PTPRT: variants seen among roughly 807,000 people sequenced by gnomAD.
PTPRT encodes protein tyrosine phosphatase receptor type T, also known as receptor-type tyrosine-protein phosphatase T.
Under a neutral mutation model 176.8 loss-of-function variants are expected in PTPRT, and 56 were observed. The ratio of observed to expected loss-of-function variants is 0.32; its 90% confidence interval spans 0.26 to 0.40. The LOEUF (loss-of-function observed/expected upper bound fraction) is 0.40, where lower values mean the gene tolerates loss of function less well. Ranked by LOEUF, PTPRT falls within the 10% of genes least tolerant of loss-of-function variation. The probability of loss-of-function intolerance (pLI) is 1.00; values close to 1 mark genes in which losing one functional copy is unlikely to be tolerated. For synonymous variants in PTPRT, 783 were observed against 739.0 expected (o/e 1.06, Z -0.96); for missense variants, 1,540 against 1,908.2 (o/e 0.81, Z 3.60).
chr20:42,690,176 G>C (rs2075769110), intron 6 of PTPRT, among the ~76,000 whole-genome samples: 1 of 152,014 alleles, frequency 6.6e-6, no homozygotes, highest in Non-Finnish European at 1.5e-5. Context: ...GAGCAGGGGT[G>C]GGGGGCCAGC....
chr20:42,366,771 G>A (rs1415754486), intron 9 of PTPRT, among the ~76,000 whole-genome samples: 1 of 107,798 alleles, frequency 9.3e-6, no homozygotes, highest in East Asian at 2.3e-4. Context: ...CACGGCACAT[G>A]TGAGGAAGCT....
At chr20:43,001,068 A>T (rs1984529462) in intron 1 of PTPRT, among the ~76,000 whole-genome samples, 1 of 152,184 alleles carries the variant, frequency 6.6e-6, no homozygotes, top group South Asian at 2.1e-4. Context: ...CACCCAGCCA[A>T]CCAGTTATTC....
downstream of PTPRT, among the ~76,000 whole-genome samples, chr20:42,069,575 C>T (rs148148007): frequency 2.6e-4 from 39 of 151,884 alleles, no homozygotes; most frequent in African/African-American, 7.2e-4. Context: ...TTGGCCTTTC[C>T]GGGTATTAAA....
intron 1 of PTPRT, among the ~76,000 whole-genome samples, chr20:42,894,563 G>A (rs1251820818): frequency 6.6e-6 from 1 of 152,038 alleles, no homozygotes; most frequent in Non-Finnish European, 1.5e-5. Context: ...ACAAATAACA[G>A]GTGGCAAAGC....
chr20:42,119,174 C>T (rs2146327232), intron 20 of PTPRT, among the ~76,000 whole-genome samples: 1 of 151,922 alleles, frequency 6.6e-6, no homozygotes, highest in Middle Eastern at 3.4e-3. Context: ...GTTTGAATAC[C>T]ATTTTTCTAT....
chr20:42,274,634 C>T (rs890806037), intron 13 of PTPRT, among the ~76,000 whole-genome samples: 1 of 150,552 alleles, frequency 6.6e-6, no homozygotes, highest in Non-Finnish European at 1.5e-5. Context: ...ATGTCTCAGA[C>T]TTCCCTTCTG....
At chr20:42,684,284 G>T (rs957832985) in intron 6 of PTPRT, among the ~76,000 whole-genome samples, 2 of 151,952 alleles carry the variant, frequency 1.3e-5, no homozygotes, top group Non-Finnish European at 2.9e-5. Context: ...GGCAGAGGTT[G>T]CAGTGAGCCA....
intron 9 of PTPRT, among the ~76,000 whole-genome samples, chr20:42,418,923 C>T (rs1052641369): frequency 1.3e-5 from 2 of 152,184 alleles, no homozygotes; most frequent in Admixed American, 6.5e-5. Context: ...AGCTGCCTCC[C>T]ACTATAAGTA....
At chr20:43,146,782 G>A (rs1355190695) in intron 1 of PTPRT, among the ~76,000 whole-genome samples, 1 of 152,026 alleles carries the variant, frequency 6.6e-6, no homozygotes. Flanking sequence ...CCCCTGAATT[G>A]TGCACACTTC....
chr20:42,095,292 G>C (rs1166652559), intron 27 of PTPRT, among the ~76,000 whole-genome samples: 1 of 152,194 alleles, frequency 6.6e-6, no homozygotes, highest in Non-Finnish European at 1.5e-5. Flanking sequence ...ACATGTGCAT[G>C]GCTCTCTGTT....
intron 1 of PTPRT, among the ~76,000 whole-genome samples, chr20:43,116,879 C>A: frequency 6.6e-6 from 1 of 152,142 alleles, no homozygotes; most frequent in South Asian, 2.1e-4. Flanking sequence ...GCTCTTGCAA[C>A]AAAAAAACAC....
intron 26 of PTPRT, among the ~76,000 whole-genome samples, chr20:42,098,807 C>T (rs567442612): frequency 2.0e-5 from 3 of 152,328 alleles, no homozygotes; most frequent in African/African-American, 7.2e-5. Context: ...ATTATTTATG[C>T]CTCGGAGCTC....
intron 7 of PTPRT, among the ~76,000 whole-genome samples, chr20:42,597,312 A>C (rs549966050): frequency 5.3e-4 from 80 of 152,306 alleles, no homozygotes; most frequent in African/African-American, 1.5e-3. Flanking sequence ...GTTTTATCCC[A>C]AAATCCCCTC....
intron 12 of PTPRT, among the ~76,000 whole-genome samples, chr20:42,312,447 C>T (rs1802494215): frequency 6.6e-6 from 1 of 152,170 alleles, no homozygotes; most frequent in Admixed American, 6.5e-5. Flanking sequence ...AATGGCTGTT[C>T]TGCTTCAATG....
chr20:42,052,617 A>G, the PTPRT span, among the ~76,000 whole-genome samples: 2 of 152,118 alleles, frequency 1.3e-5, no homozygotes, highest in Non-Finnish European at 2.9e-5. Context: ...TGCCGTTGGT[A>G]TCCACCTCAC....
chr20:42,487,450 C>A (rs986757295), intron 7 of PTPRT, among the ~76,000 whole-genome samples: 1 of 152,192 alleles, frequency 6.6e-6, no homozygotes, highest in Non-Finnish European at 1.5e-5. Context: ...TCCTAATACC[C>A]AGAACCTGGG....
chr20:42,915,822 C>T (rs1978705458), intron 1 of PTPRT, among the ~76,000 whole-genome samples: 1 of 151,306 alleles, frequency 6.6e-6, no homozygotes, highest in Non-Finnish European at 1.5e-5. Flanking sequence ...TGGTCTTGAG[C>T]TCCTGGGCTC....
intron 23 of PTPRT, among the ~76,000 whole-genome samples, 182 bp downstream of exon 23, chr20:42,110,151 A>T (rs1379930308): frequency 6.6e-6 from 1 of 150,986 alleles, no homozygotes; most frequent in Non-Finnish European, 1.5e-5. Context: ...GGTTCAAGCG[A>T]TTCCTCTGCC....
chr20:42,851,948 T>TTTCCCAA (rs2078479616), intron 2 of PTPRT, among the ~76,000 whole-genome samples: 1 of 152,258 alleles, frequency 6.6e-6, no homozygotes, highest in African/African-American at 2.4e-5. Flanking sequence ...CAAAACGATT[T>TTTCCCAA]AAGTCTACCA....
Sources: gnomAD v4.1 joint callset for allele counts (sites outside exome capture counted in the v4.1 genomes callset) on GRCh38, gnomAD v4.1.1 for gene constraint, MANE v1.5 for transcripts, NCBI Gene and HGNC (gene_info 2026-07-23, HGNC 2026-07-21) for gene names.